The following PAPPA variants were observed in gnomAD, a reference collection of about 807,000 sequenced individuals.
PAPPA encodes pappalysin-1.
Under a neutral mutation model 164.0 loss-of-function variants are expected in PAPPA, and 60 were observed. The ratio of observed to expected loss-of-function variants is 0.37; its 90% CI spans 0.30 to 0.45. The LOEUF is 0.45. Ranked by LOEUF, PAPPA falls within the 20% of genes least tolerant of loss-of-function variation. PAPPA has a pLI of 1.00. For synonymous variants in PAPPA, 875 were observed against 814.1 expected, an observed-to-expected ratio of 1.07 and a Z score of -1.27; for missense variants, 1,782 against 2,087.3, an observed-to-expected ratio of 0.85 and a Z score of 2.85.
At chr9:116,179,705 C>G (rs534214481) in intron 1 of PAPPA, among the ~76,000 whole-genome samples, 18 of 152,204 alleles carry the variant, frequency 1.2e-4, no homozygotes, top group South Asian at 6.2e-4. Flanking sequence ...GGGTCTCCCC[C>G]CCGACTGAAC....
chr9:116,334,843 C>T lies in PAPPA; in HGVS notation c.3398-18C>T, dbSNP rs1452808268. ...AGTAATGAGCCTGGCCCCTCGGCCC[C>T]TCTGTCTCCCCTGACAGGCCTCCAT... On this transcript the variant is annotated intron_variant, in intron 12 of 21. Transcript: ENST00000328252. The T allele has an allele frequency of 6.2e-7, 1 of 1,605,172 alleles. No homozygotes were observed.
intron 8 of PAPPA, among the ~76,000 whole-genome samples, chr9:116,267,787 A>G: frequency 6.7e-6 from 1 of 149,736 alleles, no homozygotes; most frequent in Non-Finnish European, 1.5e-5. Flanking sequence ...AGGCAGAAGA[A>G]TGGCGTGAAC....
At chr9:116,175,218 T>A (rs1843819712) in intron 1 of PAPPA, among the ~76,000 whole-genome samples, 1 of 152,162 alleles carries the variant, frequency 6.6e-6, no homozygotes, top group African/African-American at 2.4e-5. Context: ...ACCGCCACTC[T>A]TGCCTCTAAA....
chr9:116,154,336 G>C lies in PAPPA; in HGVS notation c.164G>C (p.Arg55Pro). Reference sequence around the variant, plus strand: ...TGCGCCACCCGGGCGGCCCGCGGCCGCCGCGCCTCGCCGCCGCCGCCGCCG... The same window carrying C: ...TGCGCCACCCGGGCGGCCCGCGGCCCCCGCGCCTCGCCGCCGCCGCCGCCG... Reference protein sequence around the residue: ...ATCATRAARGRRASPPPPPPP... With the variant: ...ATCATRAARGPRASPPPPPPP... The change falls in exon 1 of 22, where the codon CGC (arginine) becomes CCC (proline). Residue 55 changes from arginine to proline, a missense_variant. Transcript: ENST00000328252. This position sits in a 1 kb window ranked among gnomAD's most constrained non-coding sequence, Gnocchi z 5.2. 3 of 819,416 alleles carry C rather than the reference G, an allele frequency of 3.7e-6. No homozygotes were observed. Among genetic ancestry groups the C allele is most frequent in the Non-Finnish European group, 4.4e-6 (3 of 683,956 alleles). 50.8% of individuals were successfully genotyped at this position (819,416 alleles called of 1,614,324 possible).
rs924523765 is a variant in PAPPA, at chr9:116,302,652, A to G, written c.2954-105A>G. On this transcript the variant is annotated intron_variant, in intron 9 of 21. Transcript: ENST00000328252. ...TCGTGACTAATGTGATGGGCTTGACAGTACCAATGGTTTTGGTGGTCTGAC... is the reference window on the plus strand; with the variant it reads ...TCGTGACTAATGTGATGGGCTTGACGGTACCAATGGTTTTGGTGGTCTGAC... The G allele has an allele frequency of 9.0e-5, 75 of 830,940 alleles. 1 individual carries two copies. The African/African-American group carries it at 1.2e-3, about 13-fold the overall frequency. 51.5% of individuals were successfully genotyped at this position (830,940 alleles called of 1,614,324 possible). A position where few individuals can be genotyped will look rare whatever the true frequency, so the allele number is the denominator to read the frequency against.
At chr9:116,259,129 G>A (rs981832830) in intron 7 of PAPPA, among the ~76,000 whole-genome samples, 4 of 151,582 alleles carry the variant, frequency 2.6e-5, no homozygotes, top group South Asian at 2.1e-4. Context: ...ATGAAACTCC[G>A]TCTAAAAAAT....
At chr9:116,310,972 C>T (rs750849211) in intron 10 of PAPPA, among the ~76,000 whole-genome samples, 7 of 151,570 alleles carry the variant, frequency 4.6e-5, no homozygotes, top group South Asian at 2.1e-4. Flanking sequence ...TGGTAGCAAC[C>T]GACAAAGTTT....
chr9:116,330,524 C>G (rs1339247980), intron 10 of PAPPA, among the ~76,000 whole-genome samples: 3 of 151,932 alleles, frequency 2.0e-5, no homozygotes, highest in East Asian at 3.9e-4. Flanking sequence ...TTTGAAGAAT[C>G]CTGCTTGTCT....
intron 1 of PAPPA, among the ~76,000 whole-genome samples, chr9:116,177,955 C>T (rs201541892): frequency 5.3e-5 from 8 of 151,814 alleles, no homozygotes; most frequent in Non-Finnish European, 1.2e-4. Flanking sequence ...CTGATTTCAT[C>T]GACAATGTGT....
intron 21 of PAPPA, among the ~76,000 whole-genome samples, chr9:116,395,170 A>T (rs1245101094): frequency 6.6e-6 from 1 of 152,188 alleles, no homozygotes; most frequent in Non-Finnish European, 1.5e-5. Context: ...AGAAATTGTC[A>T]CATGTTCAAG....
At chr9:116,212,930 C>T (rs1265621484) in intron 4 of PAPPA, among the ~76,000 whole-genome samples, 1 of 152,122 alleles carries the variant, frequency 6.6e-6, no homozygotes, top group Non-Finnish European at 1.5e-5. Flanking sequence ...CAGAACTATC[C>T]CCACTCTACA....
At chr9:116,286,081 G>A (rs1441676847) in intron 9 of PAPPA, 3 of 152,036 alleles carry the variant, frequency 2.0e-5, no homozygotes, top group African/African-American at 4.8e-5. Context: ...TTACTATATC[G>A]ATACACCAAG....
At chr9:116,231,660 C>CGGATGGAT (rs199915317) in intron 6 of PAPPA, among the ~76,000 whole-genome samples, 1 of 143,180 alleles carries the variant, frequency 7.0e-6, no homozygotes, top group East Asian at 2.0e-4. Context: ...AATGAATGGG[C>CGGATGGAT]GGATGGATGG....
Position 116,188,021 on chromosome 9 carries a change from G to A in PAPPA, c.1283G>A (p.Cys428Tyr). The change falls in exon 2 of 22, where the codon TGC becomes TAC. Residue 428 changes from cysteine to tyrosine, a missense_variant. Transcript: ENST00000328252. ...GGGGATGAGAACTGTGACCCCGAGTGCAACCACACGCTGACGGGCCACGAC... is the reference window on the plus strand; with the variant it reads ...GGGGATGAGAACTGTGACCCCGAGTACAACCACACGCTGACGGGCCACGAC... Reference protein sequence around the residue: ...KIGDENCDPECNHTLTGHDGG... With the variant: ...KIGDENCDPEYNHTLTGHDGG... 6.2e-7 allele frequency: 1 copy of A among 1,614,194 alleles called. No individual in the cohort carries two copies. The highest frequency in any genetic ancestry group is 8.5e-7 in the Non-Finnish European group (1 of 1,180,042).
chr9:116,172,024 G>A (rs1843781007), intron 1 of PAPPA, among the ~76,000 whole-genome samples: 1 of 152,176 alleles, frequency 6.6e-6, no homozygotes, highest in African/African-American at 2.4e-5. Flanking sequence ...GTCTACTCTA[G>A]CTCCCTATTA....
chr9:116,353,389 T>C (rs1043880412), intron 16 of PAPPA, among the ~76,000 whole-genome samples: 2 of 152,218 alleles, frequency 1.3e-5, no homozygotes, highest in Admixed American at 6.5e-5. Context: ...GCATGAGTTT[T>C]GTCTCAATCT....
intron 7 of PAPPA, among the ~76,000 whole-genome samples, chr9:116,264,760 A>C (rs887829830): frequency 6.6e-6 from 1 of 152,242 alleles, no homozygotes; most frequent in Non-Finnish European, 1.5e-5. Flanking sequence ...TTAAAAAATT[A>C]TTACTAAAAA....
intron 4 of PAPPA, among the ~76,000 whole-genome samples, chr9:116,217,714 A>T (rs760673503): frequency 7.2e-5 from 11 of 152,110 alleles, no homozygotes; most frequent in Non-Finnish European, 1.6e-4. Flanking sequence ...ATCATGGGGC[A>T]GGCATTGCTC....
intron 7 of PAPPA, among the ~76,000 whole-genome samples, chr9:116,242,871 C>G (rs1438448564): frequency 1.3e-5 from 2 of 152,138 alleles, no homozygotes; most frequent in Non-Finnish European, 2.9e-5. Flanking sequence ...CTTTTTTACC[C>G]ACTTTGATGG....
Sources: allele counts gnomAD v4.1 joint callset (sites outside exome capture counted in the v4.1 genomes callset), GRCh38; gene constraint gnomAD v4.1.1; non-coding constraint Gnocchi (gnomAD v3.1); transcripts MANE v1.5; gene names NCBI Gene and HGNC (gene_info 2026-07-23, HGNC 2026-07-21).